The following PLCH1 variants were observed in gnomAD, a reference collection of about 807,000 sequenced individuals.
The protein encoded by PLCH1 is 1-phosphatidylinositol 4,5-bisphosphate phosphodiesterase eta-1.
In PLCH1, 60 loss-of-function variants were observed where a neutral mutation model predicts 126.7. The ratio of observed to expected loss-of-function variants is 0.47; its 90% confidence interval spans 0.38 to 0.59. PLCH1 has a LOEUF of 0.59. Ranked by LOEUF, PLCH1 falls within the 20% of genes least tolerant of loss-of-function variation. The pLI is 0.00. For synonymous variants in PLCH1, 719 were observed against 734.9 expected (o/e 0.98, Z 0.35); for missense variants, 1,723 against 2,040.0 (o/e 0.84, Z 2.99).
intron 2 of PLCH1, among the ~76,000 whole-genome samples, chr3:155,662,725 C>T (rs1577270268): frequency 1.3e-5 from 2 of 151,942 alleles, no homozygotes; most frequent in East Asian, 1.9e-4. Flanking sequence ...AGTGCAGTGG[C>T]GCAATCTCAG....
intron 21 of PLCH1, among the ~76,000 whole-genome samples, chr3:155,471,024 A>G (rs1233788974): frequency 1.3e-5 from 2 of 151,526 alleles, no homozygotes; most frequent in Admixed American, 1.3e-4. Context: ...TCAACTAACG[A>G]GCAAAATAAC....
intron 1 of PLCH1, among the ~76,000 whole-genome samples, chr3:155,732,569 C>T (rs549155490): frequency 6.6e-6 from 1 of 150,428 alleles, no homozygotes; most frequent in Admixed American, 6.6e-5. Flanking sequence ...TTGCAGGATA[C>T]AAAATCAAAA....
At chr3:155,671,480 CTTTG>C (rs1743446804) in intron 2 of PLCH1, among the ~76,000 whole-genome samples, 1 of 152,044 alleles carries the variant, frequency 6.6e-6, no homozygotes, top group Admixed American at 6.5e-5. Context: ...GTAATGTGAA[CTTTG>C]TTTATTGATA....
chr3:155,633,298 T>A (rs115742305), intron 2 of PLCH1, among the ~76,000 whole-genome samples: 3,100 of 151,684 alleles, frequency 0.02, 120 homozygotes, highest in African/African-American at 0.072. Flanking sequence ...TTATTGTATA[T>A]CTGCTTCTGC....
At chr3:155,474,986 G>A (rs2107987034), downstream of PLCH1, among the ~76,000 whole-genome samples, 1 of 140,316 alleles carries the variant, frequency 7.1e-6, no homozygotes, top group South Asian at 2.4e-4. Flanking sequence ...TAGATGACGA[G>A]TTAGTGGGTG....
At chr3:155,488,129 G>T in intron 20 of PLCH1, 22 bp from the exon 21 acceptor site, 1 of 1,515,344 alleles carries the variant, frequency 6.6e-7, no homozygotes, top group Non-Finnish European at 9.2e-7. Context: ...AAAGAGAGTC[G>T]TTTCTTTTTA....
intron 1 of PLCH1, among the ~76,000 whole-genome samples, chr3:155,732,798 A>G (rs1748869174): frequency 6.7e-6 from 1 of 150,066 alleles, no homozygotes; most frequent in Non-Finnish European, 1.5e-5. Flanking sequence ...GAATCACTTG[A>G]ATTCAGGAGG....
At chr3:155,669,371 G>A (rs1743157858) in intron 2 of PLCH1, among the ~76,000 whole-genome samples, 1 of 152,078 alleles carries the variant, frequency 6.6e-6, no homozygotes, top group Non-Finnish European at 1.5e-5. Context: ...TTCAAGCCAG[G>A]AGTTCAAAAC....
chr3:155,730,150 A>C (rs1474381954), intron 1 of PLCH1, among the ~76,000 whole-genome samples: 1 of 152,176 alleles, frequency 6.6e-6, no homozygotes, highest in Non-Finnish European at 1.5e-5. Flanking sequence ...CTACTATATG[A>C]AGATATAAGA....
At chr3:155,675,922 T>G in intron 2 of PLCH1, 1 of 781,690 alleles carries the variant, frequency 1.3e-6, no homozygotes, top group Non-Finnish European at 2.1e-6. Flanking sequence ...TAACTAAACA[T>G]GAAATAAAAT....
At chr3:155,535,863 C>A (rs1017675026) in intron 10 of PLCH1, among the ~76,000 whole-genome samples, 3 of 152,176 alleles carry the variant, frequency 2.0e-5, no homozygotes, top group East Asian at 3.9e-4. Context: ...ACAACTAGCA[C>A]AACCAGCATT....
At position 155,485,387 on chromosome 3, in the gene PLCH1, T is replaced by G; in HGVS notation, c.2943A>C (p.Ala981=). 2 of 1,606,506 alleles carry G rather than the reference T, an allele frequency of 1.2e-6. No homozygotes were observed. The highest frequency in any genetic ancestry group is 1.7e-6 in the Non-Finnish European group (2 of 1,173,456). ...AGTTTTCTTTTCCTTCAATGTCTTTTGCTGTTTCAGATACAGGCAGCGACA... is the reference window on the plus strand; with the variant it reads ...AGTTTTCTTTTCCTTCAATGTCTTTGGCTGTTTCAGATACAGGCAGCGACA... The part of the protein sequence containing the change: ...GALSLPVSET[A]KDIEGKENSL... The change falls in exon 22 of 23, where the codon GCA becomes GCC. Residue 981 remains alanine (A), a synonymous_variant. Transcript: ENST00000460012.
chr3:155,719,546 A>C (rs989116530), intron 1 of PLCH1, among the ~76,000 whole-genome samples: 11 of 152,162 alleles, frequency 7.2e-5, no homozygotes, highest in Non-Finnish European at 1.5e-5. Context: ...AAAAAGAATA[A>C]GCAAATCCAA....
intron 10 of PLCH1, among the ~76,000 whole-genome samples, chr3:155,531,890 T>C (rs912562601): frequency 6.6e-6 from 1 of 152,242 alleles, no homozygotes; most frequent in Non-Finnish European, 1.5e-5. Context: ...TAACGGAATG[T>C]TGTAGCTGGT....
At chr3:155,571,609 G>A (rs905293115) in intron 6 of PLCH1, among the ~76,000 whole-genome samples, 3 of 152,206 alleles carry the variant, frequency 2.0e-5, no homozygotes, top group African/African-American at 7.2e-5. Flanking sequence ...ATGTTGGCCA[G>A]GTTGGTCTCG....
intron 2 of PLCH1, among the ~76,000 whole-genome samples, chr3:155,617,030 C>T (rs1735879463): frequency 6.6e-6 from 1 of 151,824 alleles, no homozygotes; most frequent in Non-Finnish European, 1.5e-5. Flanking sequence ...TAAAATAGTG[C>T]TTAATTTTAT....
chr3:155,545,695 CA>C (rs1164390817), intron 10 of PLCH1, among the ~76,000 whole-genome samples: 1 of 151,738 alleles, frequency 6.6e-6, no homozygotes. Context: ...CCACCATGAT[CA>C]AGTGGGCTTC....
chr3:155,644,295 A>G (rs1042571272), intron 2 of PLCH1, among the ~76,000 whole-genome samples: 1 of 152,120 alleles, frequency 6.6e-6, no homozygotes, highest in African/African-American at 2.4e-5. Flanking sequence ...AGTGAGTATA[A>G]GAAGTTTAAA....
chr3:155,701,317 A>G (rs2109074282), intron 2 of PLCH1, among the ~76,000 whole-genome samples: 1 of 152,328 alleles, frequency 6.6e-6, no homozygotes, highest in South Asian at 2.1e-4. Context: ...GGCTATGAAT[A>G]TGGTTTATGA....
Sources: gnomAD v4.1 joint callset for allele counts (sites outside exome capture counted in the v4.1 genomes callset) on GRCh38, gnomAD v4.1.1 for gene constraint, MANE v1.5 for transcripts, NCBI Gene and HGNC (gene_info 2026-07-23, HGNC 2026-07-21) for gene names.